ABHD2: variants seen among roughly 807,000 people sequenced by gnomAD.
ABHD2 encodes the protein monoacylglycerol lipase ABHD2.
Under a neutral mutation model 48.1 loss-of-function variants are expected in ABHD2, and 20 were observed. That is an observed-to-expected ratio of 0.42 (90% CI 0.29 to 0.60). The LOEUF (loss-of-function observed/expected upper bound fraction) is 0.60, where lower values mean the gene tolerates loss of function less well. Among genes scored for constraint, ABHD2 ranks in the 20% least tolerant of loss-of-function variants. ABHD2 has a pLI of 0.24. For missense variants in ABHD2, 405 were observed against 550.9 expected (o/e 0.74, Z 2.65); for synonymous variants, 209 against 214.2 (o/e 0.98, Z 0.21).
At chr15:89,111,625 G>A (rs2049876533) in intron 1 of ABHD2, among the ~76,000 whole-genome samples, 1 of 152,196 alleles carries the variant, frequency 6.6e-6, no homozygotes, top group Non-Finnish European at 1.5e-5. Flanking sequence ...GACAAAGGGT[G>A]AACTCCCTGC....
rs568143863 is a variant in ABHD2, at chr15:89,182,874, C to T, written c.723-2550C>T. ...CTAGAGAGCTAAACTCCCCTGGTTTCGTGCCCATTTTGTGATTTGCATCTA... is the reference window on the plus strand; with the variant it reads ...CTAGAGAGCTAAACTCCCCTGGTTTTGTGCCCATTTTGTGATTTGCATCTA... On this transcript the variant is annotated intron_variant, in intron 6 of 10. Coordinates refer to ENST00000352732, the MANE Select transcript of ABHD2 (RefSeq NM_152924.5). The surrounding 1 kb of genome is among the most constrained non-coding windows in gnomAD (Gnocchi z 4.8). Among the ~76,000 whole-genome samples the T allele has an allele frequency of 2.2e-4, 33 of 152,262 alleles. No homozygotes were observed. In the East Asian group the frequency reaches 5.4e-3, roughly 25 times the overall value.
Position 89,202,060 on chromosome 15 carries a change from T to C in ABHD2, c.*6637T>C. On this transcript the variant is annotated 3_prime_UTR_variant, in exon 11 of 11. Transcript: ENST00000352732. ...CCCCGAAAATACTATATTTTTGAGTTTGTGTTCTGAAAGCCTCCGTGCTGC... is the reference window on the plus strand; with the variant it reads ...CCCCGAAAATACTATATTTTTGAGTCTGTGTTCTGAAAGCCTCCGTGCTGC... 3.1e-6 allele frequency: 1 copy of C among 326,100 alleles called. No individual in the cohort carries two copies. Among genetic ancestry groups the C allele is most frequent in the Non-Finnish European group, 5.7e-6 (1 of 175,806 alleles). 20.2% of individuals were successfully genotyped at this position (326,100 alleles called of 1,614,324 possible).
At chr15:89,072,137 A>C in the ABHD2 span, among the ~76,000 whole-genome samples, 1 of 152,186 alleles carries the variant, frequency 6.6e-6, no homozygotes, top group Non-Finnish European at 1.5e-5. Flanking sequence ...TCACAGAATG[A>C]GGAGGAAGAT....
At chr15:89,049,069 G>A in the ABHD2 span, among the ~76,000 whole-genome samples, 1 of 152,100 alleles carries the variant, frequency 6.6e-6, no homozygotes, top group Non-Finnish European at 1.5e-5. Flanking sequence ...TTTTGGTGTG[G>A]ATATCCTTTC....
chr15:89,122,316 C>T (rs2050064624), intron 3 of ABHD2, among the ~76,000 whole-genome samples: 1 of 152,178 alleles, frequency 6.6e-6, no homozygotes, highest in Admixed American at 6.5e-5. Flanking sequence ...AATATACACC[C>T]CAAATCAAGA....
In ABHD2 at chr15:89,155,355, TCTACG is replaced by T; in HGVS notation, c.371-8_371-4del. 1 of 1,608,684 alleles carries T rather than the reference TCTACG, an allele frequency of 6.2e-7. No homozygotes were observed. The highest frequency in any genetic ancestry group is 8.5e-7 in the Non-Finnish European group (1 of 1,175,704). On this transcript the variant is annotated splice_polypyrimidine_tract_variant and splice_region_variant and intron_variant, in intron 4 of 10. Transcript: ENST00000352732. This position sits in a 1 kb window ranked among gnomAD's most constrained non-coding sequence, Gnocchi z 4.9. Reference sequence around the variant, plus strand: ...TCTTGGATACATCAGGATCTCTTTCTCTACGCTATAGATGATATCACCATGGTCAT... The same window carrying T: ...TCTTGGATACATCAGGATCTCTTTCTCTATAGATGATATCACCATGGTCAT...
At chr15:89,062,222 G>T in the ABHD2 span, among the ~76,000 whole-genome samples, 30 of 152,294 alleles carry the variant, frequency 2.0e-4, no homozygotes, top group African/African-American at 7.0e-4. Context: ...GGAAAAAGCA[G>T]AGTGTGTGAA....
At chr15:89,061,821 G>A in the ABHD2 span, among the ~76,000 whole-genome samples, 843 of 152,232 alleles carry the variant, frequency 5.5e-3, 12 homozygotes, top group African/African-American at 0.02. Context: ...CAGTCTGCCT[G>A]CCTCAGCCTC....
chr15:89,165,281 C>T (rs2050820361), intron 5 of ABHD2, among the ~76,000 whole-genome samples: 2 of 151,990 alleles, frequency 1.3e-5, no homozygotes, highest in South Asian at 4.1e-4. Context: ...ACATTTTAAC[C>T]TTCTAAAAAA....
At position 89,092,649 on chromosome 15, in the gene ABHD2, C is replaced by T. The variant is rs1901642339; in HGVS notation, c.-107+4086C>T. Among the ~76,000 whole-genome samples, 1 of 152,172 alleles carries T rather than the reference C, an allele frequency of 6.6e-6. No individual in the cohort carries two copies. The highest frequency in any genetic ancestry group is 1.5e-5 in the Non-Finnish European group (1 of 68,028). ...ATTTCTTCATCCTCCAGAAGTGGTCCCTGAACTTCCAAGGGATTTTATACA... is the reference window on the plus strand; with the variant it reads ...ATTTCTTCATCCTCCAGAAGTGGTCTCTGAACTTCCAAGGGATTTTATACA... On this transcript the variant is annotated intron_variant, in intron 1 of 10. Coordinates refer to ENST00000352732, the MANE Select transcript of ABHD2 (RefSeq NM_152924.5). This position sits in a 1 kb window ranked among gnomAD's most constrained non-coding sequence, Gnocchi z 4.4.
chr15:89,096,298 C>T (rs2049612171), intron 1 of ABHD2, among the ~76,000 whole-genome samples: 1 of 152,214 alleles, frequency 6.6e-6, no homozygotes, highest in African/African-American at 2.4e-5. Flanking sequence ...GCCTGGATCT[C>T]TGTAATCGTA....
At chr15:89,051,958 G>C in the ABHD2 span, among the ~76,000 whole-genome samples, 16 of 152,178 alleles carry the variant, frequency 1.1e-4, no homozygotes, top group African/African-American at 3.6e-4. Context: ...GCTATTGGTA[G>C]ACTGAGCCAC....
chr15:89,065,535 C>T, the ABHD2 span, among the ~76,000 whole-genome samples: 1 of 152,144 alleles, frequency 6.6e-6, no homozygotes, highest in East Asian at 1.9e-4. Flanking sequence ...CAAACACTCC[C>T]TTCCTAAGAA....
rs137945748 is a variant in ABHD2, at chr15:89,128,944, T to C, written c.194+12423T>C. Among the ~76,000 whole-genome samples the C allele has an allele frequency of 4.3e-4, 66 of 152,062 alleles. 1 individual carries two copies. The highest frequency in any genetic ancestry group is 1.1e-3 in the African/African-American group (47 of 41,478). On this transcript the variant is annotated intron_variant, in intron 3 of 10. Transcript: ENST00000352732. ...TCTAAGGTGGAATCAGTGGTATTGG[T>C]GGGTAATGGAATGGCCTTGGGCATC...
chr15:89,056,450 G>A, the ABHD2 span, among the ~76,000 whole-genome samples: 119 of 151,990 alleles, frequency 7.8e-4, no homozygotes, highest in Non-Finnish European at 1.6e-3. Flanking sequence ...AGACCATCCT[G>A]GCTAACACGG....
chr15:89,158,793 G>A (rs1435951528), intron 5 of ABHD2, among the ~76,000 whole-genome samples: 1 of 151,784 alleles, frequency 6.6e-6, no homozygotes, highest in Admixed American at 6.6e-5. Context: ...GCTCATTGAA[G>A]CCTCAACCTC....
upstream of ABHD2, among the ~76,000 whole-genome samples, chr15:89,083,491 C>T (rs529108001): frequency 1.3e-5 from 2 of 152,108 alleles, no homozygotes; most frequent in Non-Finnish European, 2.9e-5. The surrounding 1 kb of genome is among the most constrained non-coding windows in gnomAD (Gnocchi z 5.1). Context: ...CGCGCGTGCA[C>T]GTGCGTGTAT....
At chr15:89,119,452 C>G (rs937088624) in intron 3 of ABHD2, among the ~76,000 whole-genome samples, 2 of 152,190 alleles carry the variant, frequency 1.3e-5, no homozygotes, top group Non-Finnish European at 2.9e-5. Context: ...CATTACCACT[C>G]TCTTTTGTCC....
intron 3 of ABHD2, chr15:89,135,928 T>C: frequency 4.3e-6 from 2 of 469,172 alleles, no homozygotes; most frequent in Non-Finnish European, 7.8e-6. Flanking sequence ...TCCTTTAACT[T>C]TTTTTTTTTT....
Sources: gnomAD v4.1 joint callset for allele counts (sites outside exome capture counted in the v4.1 genomes callset) on GRCh38, gnomAD v4.1.1 for gene constraint, Gnocchi (gnomAD v3.1) non-coding constraint, MANE v1.5 for transcripts, NCBI Gene and HGNC (gene_info 2026-07-23, HGNC 2026-07-21) for gene names.